CHLSN: variants seen among roughly 807,000 people sequenced by gnomAD.
CHLSN encodes the protein protein cholesin.
the CHLSN span, among the ~76,000 whole-genome samples, chr7:1,070,438 A>C: frequency 8.2e-6 from 1 of 121,280 alleles, no homozygotes; most frequent in South Asian, 2.7e-4. Flanking sequence ...CTGGGAAGTG[A>C]GGAGCCCCTC....
chr7:1,067,317 A>C, the CHLSN span, among the ~76,000 whole-genome samples: 4 of 71,022 alleles, frequency 5.6e-5, no homozygotes, highest in African/African-American at 2.4e-4. Flanking sequence ...GCTGGAATAC[A>C]CCCAGAGGTG....
At chr7:1,085,009 G>A in the CHLSN span, among the ~76,000 whole-genome samples, 1 of 152,240 alleles carries the variant, frequency 6.6e-6, no homozygotes, top group Non-Finnish European at 1.5e-5. Flanking sequence ...CAGGCCCTGT[G>A]TCTGGGGCCT....
the CHLSN span, among the ~76,000 whole-genome samples, chr7:1,009,608 C>T: frequency 6.6e-6 from 1 of 152,160 alleles, no homozygotes; most frequent in Non-Finnish European, 1.5e-5. Flanking sequence ...CCACGAGTTC[C>T]CTCCTCCTCA....
chr7:986,736 CCCA>C, the CHLSN span: 1 of 1,609,342 alleles, frequency 6.2e-7, no homozygotes, highest in Non-Finnish European at 8.5e-7. Context: ...GCGCGGAGGC[CCCA>C]CGTGTGCCCG....
chr7:1,067,137 T>C, the CHLSN span, among the ~76,000 whole-genome samples: 1 of 139,038 alleles, frequency 7.2e-6, no homozygotes, highest in Non-Finnish European at 1.5e-5. Flanking sequence ...AGGTGTGGGT[T>C]TGGGGCACAG....
the CHLSN span, chr7:1,000,696 T>C: frequency 4.3e-5 from 28 of 644,802 alleles, no homozygotes; most frequent in South Asian, 5.1e-4. Flanking sequence ...AAGAGGGTTT[T>C]TGGAGCCCCT....
At chr7:986,688 T>C in the CHLSN span, 2 of 1,612,464 alleles carry the variant, frequency 1.2e-6, no homozygotes, top group Non-Finnish European at 1.7e-6. Flanking sequence ...CTGCGCAAGA[T>C]CGAGGAGGTC....
the CHLSN span, among the ~76,000 whole-genome samples, chr7:1,126,359 C>CAAAAAAAAAAAAAAAA: frequency 2.5e-5 from 1 of 40,488 alleles, no homozygotes; most frequent in Non-Finnish European, 4.8e-5. Context: ...GACTCTGTCT[C>CAAAAAAAAAAAAAAAA]AAAAAAAAAA....
At chr7:1,072,215 GCA>G in the CHLSN span, among the ~76,000 whole-genome samples, 7 of 152,326 alleles carry the variant, frequency 4.6e-5, no homozygotes, top group East Asian at 1.4e-3. Flanking sequence ...CCCACGGTCA[GCA>G]CACACTGACC....
the CHLSN span, among the ~76,000 whole-genome samples, chr7:999,367 A>C: frequency 0.61 from 93,265 of 152,106 alleles, 30,463 homozygotes; most frequent in African/African-American, 0.85. Context: ...GTTCCAGTCA[A>C]TTCTACTTCC....
At chr7:1,000,141 G>T in the CHLSN span, among the ~76,000 whole-genome samples, 1 of 152,220 alleles carries the variant, frequency 6.6e-6, no homozygotes, top group Non-Finnish European at 1.5e-5. Context: ...TCATCTCTTA[G>T]AACAAAGGCA....
At chr7:988,721 C>T in the CHLSN span, 2 of 1,599,598 alleles carry the variant, frequency 1.3e-6, no homozygotes, top group Non-Finnish European at 1.7e-6. Flanking sequence ...CCGCCTGCTG[C>T]CCCCGCCTGG....
chr7:1,014,837 C>G, the CHLSN span, among the ~76,000 whole-genome samples: 1 of 64,160 alleles, frequency 1.6e-5, no homozygotes, highest in Non-Finnish European at 3.0e-5. Context: ...TTGGTGTCAC[C>G]CTGTCCCGGC....
At chr7:1,117,618 G>T in the CHLSN span, among the ~76,000 whole-genome samples, 1 of 133,276 alleles carries the variant, frequency 7.5e-6, no homozygotes, top group Non-Finnish European at 1.6e-5. Flanking sequence ...CGACGCTCAC[G>T]CAGGATGATG....
the CHLSN span, among the ~76,000 whole-genome samples, chr7:1,107,128 G>A: frequency 0.2 from 31,136 of 152,142 alleles, 3,477 homozygotes; most frequent in Middle Eastern, 0.34. Flanking sequence ...AAGAGAAGCG[G>A]GGAAGGGAAA....
chr7:1,120,894 G>A, the CHLSN span, among the ~76,000 whole-genome samples: 1 of 151,988 alleles, frequency 6.6e-6, no homozygotes. Context: ...CAGCAGGGCC[G>A]ACAGGCGGCC....
At chr7:1,070,360 G>A in the CHLSN span, among the ~76,000 whole-genome samples, 2 of 131,342 alleles carry the variant, frequency 1.5e-5, no homozygotes, top group East Asian at 4.2e-4. Context: ...GAGGTGGGGG[G>A]GTCAGCCCCC....
the CHLSN span, among the ~76,000 whole-genome samples, chr7:1,099,709 G>C: frequency 2.1e-4 from 32 of 152,244 alleles, no homozygotes; most frequent in Non-Finnish European, 4.4e-5. Flanking sequence ...TTGGTTGCCA[G>C]GGCTGGGTCA....
At chr7:1,036,798 G>A in the CHLSN span, among the ~76,000 whole-genome samples, 1 of 134,712 alleles carries the variant, frequency 7.4e-6, no homozygotes, top group Non-Finnish European at 1.7e-5. Context: ...CGCTTCGCTG[G>A]CCATTTAGGA....
Sources: allele counts gnomAD v4.1 joint callset (sites outside exome capture counted in the v4.1 genomes callset), GRCh38; gene constraint gnomAD v4.1.1; transcripts MANE v1.5; gene names NCBI Gene and HGNC (gene_info 2026-07-23, HGNC 2026-07-21).